Variants in TFAP2D observed in about 807,000 individuals in gnomAD.
TFAP2D encodes transcription factor AP-2-delta.
TFAP2D carries 9 observed loss-of-function variants against 43.6 expected under a neutral mutation model. The ratio of observed to expected loss-of-function variants is 0.21; its 90% CI spans 0.12 to 0.36. TFAP2D has a LOEUF of 0.36. TFAP2D is among the 10% of genes least tolerant of loss of function. The pLI is 1.00. For synonymous variants in TFAP2D, 256 were observed against 224.9 expected, an observed-to-expected ratio of 1.14 and a Z score of -1.24; for missense variants, 513 against 561.4, an observed-to-expected ratio of 0.91 and a Z score of 0.87.
chr6:50,751,113 C>A, intron 6 of TFAP2D, 98 bp from the exon 7 acceptor site: 1 of 827,546 alleles, frequency 1.2e-6, no homozygotes. Context: ...ATCTAGACTT[C>A]TTTTAAAAGA....
chr6:50,742,996 T>C (rs957881173), intron 5 of TFAP2D, among the ~76,000 whole-genome samples: 2 of 78,754 alleles, frequency 2.5e-5, no homozygotes, highest in Non-Finnish European at 6.9e-5. Context: ...CACACACACA[T>C]CTTTGTGCCA....
Position 50,715,476 on chromosome 6 carries a change from C to G in TFAP2D, c.400C>G (p.Leu134Val), listed in dbSNP as rs1433498345. Residue 134 changes from leucine (L) to valine (V), a missense_variant, in exon 2 of 8, where the codon CTG becomes GTG. By Grantham distance (32) the Leu-to-Val change is conservative. Coordinates refer to ENST00000008391, the MANE Select transcript of TFAP2D (RefSeq NM_172238.4). Reference protein sequence around the residue: ...SSCLDEQRRELGCLDAYRRHD... With the variant: ...SSCLDEQRREVGCLDAYRRHD... Reference sequence around the variant, plus strand: ...CTGCCTGGACGAGCAGAGGCGGGAGCTGGGCTGCCTCGATGCCTACCGCCG... The same window carrying G: ...CTGCCTGGACGAGCAGAGGCGGGAGGTGGGCTGCCTCGATGCCTACCGCCG... 1 of 1,613,830 alleles carries G rather than the reference C, an allele frequency of 6.2e-7. No homozygotes were observed. The highest frequency in any genetic ancestry group is 1.7e-5 in the Admixed American group (1 of 59,996).
chr6:50,744,097 AG>A (rs1769091729), intron 5 of TFAP2D, among the ~76,000 whole-genome samples: 2 of 152,274 alleles, frequency 1.3e-5, no homozygotes, highest in Non-Finnish European at 2.9e-5. Flanking sequence ...GTTTTAATAT[AG>A]GTAAACTGTG....
At chr6:50,742,328 G>A (rs1769057441) in intron 5 of TFAP2D, among the ~76,000 whole-genome samples, 1 of 151,950 alleles carries the variant, frequency 6.6e-6, no homozygotes, top group Admixed American at 6.6e-5. Context: ...GAAGGATCTG[G>A]CTGTCAGTGT....
Position 50,763,888 on chromosome 6 carries a change from C to G in TFAP2D, c.1140-8757C>G, listed in dbSNP as rs1039610504. On this transcript the variant is annotated intron_variant, in intron 7 of 7. Coordinates refer to ENST00000008391, the MANE Select transcript of TFAP2D (RefSeq NM_172238.4). The stretch of plus-strand genomic sequence containing the variant: ...AATTGACTGGCAAACACACGAGAAG[C>G]TTTTTGGGTAATGGTGGTAGTTACA... 2.6e-5 allele frequency among the ~76,000 whole-genome samples: 4 copies of G among 152,130 alleles called. No homozygotes were observed. The South Asian group carries it at 6.2e-4, about 24-fold the overall frequency.
intron 3 of TFAP2D, among the ~76,000 whole-genome samples, chr6:50,724,019 C>T (rs190089297): frequency 1.3e-5 from 2 of 152,268 alleles, no homozygotes; most frequent in East Asian, 3.9e-4. Context: ...GCTCCTTACA[C>T]ATCATCAAAG....
At chr6:50,731,446 TCA>T (rs1426037611) in intron 5 of TFAP2D, among the ~76,000 whole-genome samples, 1 of 126,652 alleles carries the variant, frequency 7.9e-6, no homozygotes, top group African/African-American at 3.3e-5. Context: ...AAACCCACTT[TCA>T]TACACACACA....
intron 7 of TFAP2D, among the ~76,000 whole-genome samples, chr6:50,762,128 A>T (rs1472200326): frequency 6.6e-6 from 1 of 152,124 alleles, no homozygotes; most frequent in Non-Finnish European, 1.5e-5. Flanking sequence ...TTTTCTTTCC[A>T]ACAGCAGTCT....
In TFAP2D at chr6:50,760,708, A is replaced by G. The variant is rs184417072; in HGVS notation, c.1139+9384A>G. 2.0e-5 allele frequency among the ~76,000 whole-genome samples: 3 copies of G among 152,184 alleles called. No individual in the cohort carries two copies. The East Asian group carries it at 5.8e-4, about 29-fold the overall frequency. On this transcript the variant is annotated intron_variant, in intron 7 of 7. Coordinates refer to ENST00000008391, the MANE Select transcript of TFAP2D (RefSeq NM_172238.4). ...CTGCTTTCTGAATCATTTAGGCTAC[A>G]GAGAATAGATGCCATTGAGTTCTGG...
rs370044715 is a variant in TFAP2D at position 50,771,341 on chromosome 6, C to T, written c.1140-1304C>T. Among the ~76,000 whole-genome samples the T allele has an allele frequency of 5.9e-5, 9 of 152,336 alleles. No homozygotes were observed. The East Asian group carries it at 1.4e-3, about 23-fold the overall frequency. On this transcript the variant is annotated intron_variant, in intron 7 of 7. Coordinates refer to ENST00000008391, the MANE Select transcript of TFAP2D (RefSeq NM_172238.4). ...AAGCAAGTGGGAATTGCATGTATCA[C>T]TTCTCTTTATGTTACATTGTGGGTA... is the stretch of plus-strand genomic sequence containing the variant.
chr6:50,745,002 A>G, intron 5 of TFAP2D, 105 bp from the exon 6 acceptor site: 1 of 1,400,588 alleles, frequency 7.1e-7, no homozygotes, highest in Admixed American at 2.4e-5. Flanking sequence ...AGGAAAAATG[A>G]TTTGTCTGAC....
intron 7 of TFAP2D, among the ~76,000 whole-genome samples, chr6:50,759,214 A>T (rs1461053891): frequency 6.6e-6 from 1 of 151,948 alleles, no homozygotes; most frequent in African/African-American, 2.4e-5. Context: ...TGAGCTATTG[A>T]CTGGAGAGAA....
At position 50,714,980 on chromosome 6, in the gene TFAP2D, G is replaced by C. The variant is rs1768591966; in HGVS notation, c.40-136G>C. On this transcript the variant is annotated intron_variant, in intron 1 of 7. Coordinates refer to ENST00000008391, the MANE Select transcript of TFAP2D (RefSeq NM_172238.4). Reference sequence around the variant, plus strand: ...GTGAAGACGCTGAGACCCGGCTTCGGCTCGGCCCGAGTCCTACGCGCTCGC... The same window carrying C: ...GTGAAGACGCTGAGACCCGGCTTCGCCTCGGCCCGAGTCCTACGCGCTCGC... The C allele has an allele frequency of 2.5e-6, 3 of 1,194,374 alleles. No homozygotes were observed. The Admixed American group carries it at 8.0e-5, about 32-fold the overall frequency. The allele number at this position is 1,194,374 out of a possible 1,614,324, so 74.0% of individuals were successfully genotyped here. A position where few individuals can be genotyped will look rare whatever the true frequency, so the allele number is the denominator to read the frequency against.
chr6:50,733,188 A>T (rs1174366325), intron 5 of TFAP2D, among the ~76,000 whole-genome samples: 1 of 152,096 alleles, frequency 6.6e-6, no homozygotes, highest in African/African-American at 2.4e-5. Context: ...TCTACATAAC[A>T]TAGATTGTTT....
At chr6:50,768,273 CTT>C (rs67686384) in intron 7 of TFAP2D, among the ~76,000 whole-genome samples, 16 of 77,268 alleles carry the variant, frequency 2.1e-4, no homozygotes, top group African/African-American at 7.6e-4. Context: ...TTCTAATTTT[CTT>C]TTTTTTTTTT....
rs1769360171 is a variant in TFAP2D, at chr6:50,761,272, A to G, written c.1139+9948A>G. Among the ~76,000 whole-genome samples the G allele has an allele frequency of 3.3e-5, 5 of 151,226 alleles. No individual in the cohort carries two copies. In the South Asian group the frequency reaches 1.0e-3, roughly 31 times the overall value. ...GAGAAAAAAGCTTGCTTGCTTTTTC[A>G]GGTAAAAAGTTGAAACTTTACAAAA... On this transcript the variant is annotated intron_variant, in intron 7 of 7. Transcript: ENST00000008391.
At chr6:50,753,610 AGAAAGT>A (rs1422518018) in intron 7 of TFAP2D, among the ~76,000 whole-genome samples, 1 of 135,702 alleles carries the variant, frequency 7.4e-6, no homozygotes, top group Non-Finnish European at 1.7e-5. Flanking sequence ...CTAGTGAAAA[AGAAAGT>A]GAGATTATAT....
chr6:50,772,704 C>G lies in TFAP2D; in HGVS notation c.1199C>G (p.Thr400Arg), dbSNP rs1283684191. 1 of 1,614,160 alleles carries G rather than the reference C, an allele frequency of 6.2e-7. No homozygotes were observed. The highest frequency in any genetic ancestry group is 1.3e-5 in the African/African-American group (1 of 75,042). ...AICAALSTFQ[T>R]VLSEMLNYLE... Reference sequence around the variant, plus strand: ...TGTGCAGCTCTAAGCACTTTCCAAACAGTTCTCAGTGAAATGCTGAACTAC... The same window carrying G: ...TGTGCAGCTCTAAGCACTTTCCAAAGAGTTCTCAGTGAAATGCTGAACTAC... The change falls in exon 8 of 8, where the codon ACA (threonine) becomes AGA (arginine). Residue 400 changes from threonine (T) to arginine (R), a missense_variant. By Grantham distance (71) the Thr-to-Arg change is moderately conservative. Coordinates refer to ENST00000008391, the MANE Select transcript of TFAP2D (RefSeq NM_172238.4).
chr6:50,714,413 A>G (rs1037484295), intron 1 of TFAP2D, among the ~76,000 whole-genome samples: 3 of 152,054 alleles, frequency 2.0e-5, no homozygotes, highest in African/African-American at 7.2e-5. Context: ...ATTCTCAGAA[A>G]AGCAAAGAAA....
Sources: gnomAD v4.1 joint callset for allele counts (sites outside exome capture counted in the v4.1 genomes callset) on GRCh38, gnomAD v4.1.1 for gene constraint, MANE v1.5 for transcripts, NCBI Gene and HGNC (gene_info 2026-07-23, HGNC 2026-07-21) for gene names.